RYR2: variants seen among roughly 807,000 people sequenced by gnomAD.
The protein encoded by RYR2 is cardiac muscle ryanodine receptor-calcium release channel.
A neutral mutation model predicts 601.1 loss-of-function variants in RYR2; 227 were observed. The observed-to-expected ratio is 0.38, with a 90% CI of 0.34 to 0.42. The LOEUF is 0.42. RYR2 is among the 10% of genes least tolerant of loss of function. The pLI, the probability that RYR2 is intolerant of heterozygous loss-of-function variation, is 1.00. For missense variants in RYR2, 4,646 were observed against 6,156.5 expected (o/e 0.75, Z 8.21); for synonymous variants, 2,223 against 2,175.1 (o/e 1.02, Z -0.61).
At chr1:237,346,384 A>AAAAAAAAAAAAAAAAAAAAAAAAAAAT (rs1558659601) in intron 3 of RYR2, among the ~76,000 whole-genome samples, 1 of 151,346 alleles carries the variant, frequency 6.6e-6, no homozygotes, top group Non-Finnish European at 1.5e-5. Flanking sequence ...AAAAAAAAAA[A>AAAAAAAAAAAAAAAAAAAAAAAAAAAT]GTGCATATCC....
At chr1:237,520,285 A>T (rs551363681) in intron 24 of RYR2, among the ~76,000 whole-genome samples, 2 of 152,248 alleles carry the variant, frequency 1.3e-5, no homozygotes, top group African/African-American at 4.8e-5. Context: ...TCCAGTTTAG[A>T]TGCCATTTAT....
chr1:237,496,541 T>C lies in RYR2; in HGVS notation c.1992T>C (p.Ser664=), dbSNP rs1482128790. 6.2e-7 allele frequency: 1 copy of C among 1,613,996 alleles called. No individual in the cohort carries two copies. Among genetic ancestry groups the C allele is most frequent in the Non-Finnish European group, 8.5e-7 (1 of 1,179,868 alleles). Residue 664 remains serine, a synonymous_variant, in exon 20 of 105, where the codon AGT becomes AGC. Transcript: ENST00000366574. ...SMRPNIFLGV[S]EGSAQYKKWY... Reference sequence around the variant, plus strand: ...GACCCAATATTTTTCTGGGCGTCAGTGAAGGTTCTGCTCAGTATAAGAAAT... The same window carrying C: ...GACCCAATATTTTTCTGGGCGTCAGCGAAGGTTCTGCTCAGTATAAGAAAT...
intron 2 of RYR2, among the ~76,000 whole-genome samples, chr1:237,313,529 T>G (rs1231712041): frequency 2.0e-5 from 3 of 152,184 alleles, no homozygotes; most frequent in African/African-American, 7.2e-5. Context: ...CTTTAGAAGC[T>G]GAAAACAGTG....
At chr1:237,694,163 A>G (rs530019729) in intron 63 of RYR2, among the ~76,000 whole-genome samples, 3,409 of 151,774 alleles carry the variant, frequency 0.022, 54 homozygotes, top group South Asian at 0.04. Flanking sequence ...GCGTGGTGGC[A>G]GGCGCCTGTA....
At chr1:237,479,494 T>C (rs910379810) in intron 17 of RYR2, among the ~76,000 whole-genome samples, 3 of 150,108 alleles carry the variant, frequency 2.0e-5, no homozygotes, top group Non-Finnish European at 4.4e-5. Context: ...AAGCTGATGC[T>C]ATGCTCAGTT....
intron 42 of RYR2, among the ~76,000 whole-genome samples, chr1:237,631,785 G>A (rs984380291): frequency 1.3e-5 from 2 of 151,178 alleles, no homozygotes; most frequent in East Asian, 1.9e-4. Context: ...CCGCCACCTC[G>A]CCCGGCTAAT....
chr1:237,668,495 T>C (rs868581681), intron 58 of RYR2, among the ~76,000 whole-genome samples: 44 of 152,378 alleles, frequency 2.9e-4, no homozygotes, highest in African/African-American at 9.4e-4. Context: ...TCAACATTAT[T>C]TATTTGCCGT....
At chr1:237,656,898 G>A (rs540855705) in intron 53 of RYR2, among the ~76,000 whole-genome samples, 330 of 152,240 alleles carry the variant, frequency 2.2e-3, no homozygotes, top group Non-Finnish European at 3.4e-3. Context: ...CCAGTATTTG[G>A]CTTATATGAT....
At chr1:237,530,966 AC>A (rs1668084413) in intron 25 of RYR2, among the ~76,000 whole-genome samples, 1 of 152,166 alleles carries the variant, frequency 6.6e-6, no homozygotes, top group Admixed American at 6.5e-5. Flanking sequence ...CCTAGGGGTT[AC>A]ATTAAGTATC....
chr1:237,601,468 A>G (rs1007515555), intron 34 of RYR2, among the ~76,000 whole-genome samples: 19 of 152,092 alleles, frequency 1.2e-4, no homozygotes, highest in Non-Finnish European at 1.9e-4. Context: ...CAGATACCCA[A>G]TGGGTATAGA....
chr1:237,401,458 C>A (rs1299097693), intron 10 of RYR2, among the ~76,000 whole-genome samples: 1,837 of 152,290 alleles, frequency 0.012, 48 homozygotes, highest in African/African-American at 0.042. Context: ...GAATGACTCA[C>A]AGAACACAGA....
chr1:237,606,227 C>T (rs1406648075), intron 35 of RYR2, among the ~76,000 whole-genome samples: 1 of 152,092 alleles, frequency 6.6e-6, no homozygotes, highest in Non-Finnish European at 1.5e-5. Flanking sequence ...GAGATACAGA[C>T]CAATGGAACA....
intron 10 of RYR2, among the ~76,000 whole-genome samples, chr1:237,406,248 C>G (rs1027953836): frequency 7.5e-6 from 1 of 133,754 alleles, no homozygotes; most frequent in Admixed American, 7.7e-5. Context: ...TCTCTTTATA[C>G]GTAGTTTCCC....
At chr1:237,460,926 TC>T (rs904784561) in intron 16 of RYR2, among the ~76,000 whole-genome samples, 2 of 152,216 alleles carry the variant, frequency 1.3e-5, no homozygotes, top group African/African-American at 2.4e-5. Flanking sequence ...TTTGTTATCA[TC>T]CTTTCCCTTG....
chr1:237,797,920 G>GTGA (rs1659449252), intron 96 of RYR2, 117 bp from the exon 97 acceptor site: 1 of 943,762 alleles, frequency 1.1e-6, no homozygotes. Context: ...TAGATTTTAA[G>GTGA]TGATTGTTAG....
intron 7 of RYR2, among the ~76,000 whole-genome samples, chr1:237,376,472 T>C (rs914708554): frequency 4.6e-5 from 7 of 151,856 alleles, no homozygotes; most frequent in Non-Finnish European, 5.9e-5. Context: ...AAAAGAGTTA[T>C]GGAAACACCA....
chr1:237,562,412 C>T (rs999555380), intron 27 of RYR2, among the ~76,000 whole-genome samples: 1 of 152,110 alleles, frequency 6.6e-6, no homozygotes, highest in Non-Finnish European at 1.5e-5. Context: ...ATCTTGACTG[C>T]CCTCTAGTGG....
At chr1:237,763,139 T>C (rs1261041105) in intron 84 of RYR2, among the ~76,000 whole-genome samples, 1 of 152,218 alleles carries the variant, frequency 6.6e-6, no homozygotes, top group Admixed American at 6.5e-5. Context: ...CAGTTATTAG[T>C]ATGTCAGATA....
chr1:237,529,596 A>T (rs1325918253), intron 24 of RYR2, among the ~76,000 whole-genome samples: 2 of 152,136 alleles, frequency 1.3e-5, no homozygotes, highest in African/African-American at 4.8e-5. Flanking sequence ...TCTTACTAGA[A>T]CTGATCAGAC....
Sources: allele counts gnomAD v4.1 joint callset (sites outside exome capture counted in the v4.1 genomes callset), GRCh38; gene constraint gnomAD v4.1.1; transcripts MANE v1.5; gene names NCBI Gene and HGNC (gene_info 2026-07-23, HGNC 2026-07-21).